The following CRACR2A variants were observed in gnomAD, a reference collection of about 807,000 sequenced individuals.
CRACR2A encodes calcium release activated channel regulator 2A, also known as EF-hand calcium-binding domain-containing protein 4B.
A neutral mutation model predicts 90.5 loss-of-function variants in CRACR2A; 79 were observed. The ratio of observed to expected loss-of-function variants is 0.87; its 90% CI spans 0.73 to 1.05. The LOEUF is 1.05. CRACR2A is among the 50% of genes least tolerant of loss of function. The probability of loss-of-function intolerance (pLI) is 0.00; values close to 1 mark genes in which losing one functional copy is unlikely to be tolerated. For synonymous variants in CRACR2A, 338 were observed against 356.7 expected (o/e 0.95, Z 0.59); for missense variants, 823 against 897.2 (o/e 0.92, Z 1.06).
At chr12:3,686,963 A>C (rs1256094023) in intron 4 of CRACR2A, among the ~76,000 whole-genome samples, 1 of 152,092 alleles carries the variant, frequency 6.6e-6, no homozygotes, top group Non-Finnish European at 1.5e-5. Flanking sequence ...GGGTTTCTCC[A>C]GGTTTCTCAG....
chr12:3,751,660 C>G (rs1201938125), intron 1 of CRACR2A, among the ~76,000 whole-genome samples: 2 of 152,174 alleles, frequency 1.3e-5, no homozygotes, highest in Non-Finnish European at 2.9e-5. Context: ...AAGGCCCGGC[C>G]TCAGTGCCAC....
chr12:3,635,316 G>A (rs1422881647), intron 14 of CRACR2A, among the ~76,000 whole-genome samples: 2 of 152,156 alleles, frequency 1.3e-5, no homozygotes, highest in African/African-American at 2.4e-5. Flanking sequence ...GCTGGAGAAG[G>A]AGTACCTGGC....
intron 13 of CRACR2A, among the ~76,000 whole-genome samples, chr12:3,639,943 T>A (rs7134436): frequency 3.3e-5 from 5 of 152,018 alleles, no homozygotes; most frequent in Non-Finnish European, 7.4e-5. Flanking sequence ...ACTTTTACTC[T>A]GCTTACACAC....
rs912416339 is a variant in CRACR2A, at chr12:3,669,390, A to T, written c.671+4056T>A. On this transcript the variant is annotated intron_variant, in intron 7 of 19. Transcript: ENST00000440314. ...AAGTTCTCCCCAATGTCTACACTAT[A>T]TCCCTCATGCTAAAGTGTGAAGACC... 9.2e-5 allele frequency among the ~76,000 whole-genome samples: 14 copies of T among 152,324 alleles called. No homozygotes were observed. The East Asian group carries it at 2.7e-3, about 29-fold the overall frequency.
At chr12:3,745,788 A>ATAACATAACATAACATAACATAAC (rs1356770696) in intron 1 of CRACR2A, among the ~76,000 whole-genome samples, 2 of 7,388 alleles carry the variant, frequency 2.7e-4, no homozygotes, top group Admixed American at 2.4e-3. Flanking sequence ...CAAAAAATAA[A>ATAACATAACATAACATAACATAAC]ATAAAATAAA....
At chr12:3,617,379 C>T (rs570295743) in intron 18 of CRACR2A, among the ~76,000 whole-genome samples, 1 of 152,342 alleles carries the variant, frequency 6.6e-6, no homozygotes, top group South Asian at 2.1e-4. Context: ...ACACAAAGGC[C>T]AGGGTGGGCA....
At chr12:3,643,265 T>C (rs1157414192) in intron 12 of CRACR2A, among the ~76,000 whole-genome samples, 1 of 152,202 alleles carries the variant, frequency 6.6e-6, no homozygotes, top group Admixed American at 6.5e-5. Context: ...CTCAGGGATT[T>C]GCAATTATAA....
intron 18 of CRACR2A, among the ~76,000 whole-genome samples, chr12:3,617,561 T>A (rs1362633990): frequency 1.3e-5 from 2 of 152,304 alleles, no homozygotes; most frequent in East Asian, 3.9e-4. Context: ...CGGTAGGAAT[T>A]CTCTTTCGCA....
intron 1 of CRACR2A, among the ~76,000 whole-genome samples, chr12:3,738,688 G>A (rs184436830): frequency 4.5e-4 from 68 of 152,148 alleles, no homozygotes; most frequent in African/African-American, 1.6e-3. Flanking sequence ...GAAGGAGAAG[G>A]AAAAGAATAT....
At chr12:3,729,585 C>T (rs879540312) in intron 2 of CRACR2A, 8 of 152,226 alleles carry the variant, frequency 5.3e-5, no homozygotes, top group African/African-American at 1.4e-4. Flanking sequence ...CACCTGTAGT[C>T]GCAGCTACTT....
intron 14 of CRACR2A, among the ~76,000 whole-genome samples, chr12:3,637,101 G>C (rs997917710): frequency 6.6e-6 from 1 of 152,200 alleles, no homozygotes; most frequent in Non-Finnish European, 1.5e-5. Flanking sequence ...TTTTCATATG[G>C]TCTCCCTTTT....
intron 2 of CRACR2A, chr12:3,728,113 TTCCA>T (rs1292431413): frequency 7.2e-5 from 11 of 152,166 alleles, no homozygotes; most frequent in Non-Finnish European, 1.5e-4. Flanking sequence ...GCTGTCTGTA[TTCCA>T]TCAGGACTCT....
intron 4 of CRACR2A, among the ~76,000 whole-genome samples, chr12:3,690,264 G>A (rs1029701931): frequency 6.6e-6 from 1 of 152,016 alleles, no homozygotes; most frequent in Non-Finnish European, 1.5e-5. Flanking sequence ...TTGCTAAATT[G>A]AGAACTTTCT....
At chr12:3,667,835 A>T (rs1379807754) in intron 7 of CRACR2A, among the ~76,000 whole-genome samples, 1 of 152,150 alleles carries the variant, frequency 6.6e-6, no homozygotes, top group East Asian at 1.9e-4. Context: ...TCTCACACAC[A>T]CGTGGGCGCA....
chr12:3,716,760 G>T (rs1238656031), intron 2 of CRACR2A, among the ~76,000 whole-genome samples: 1 of 152,056 alleles, frequency 6.6e-6, no homozygotes, highest in Non-Finnish European at 1.5e-5. Flanking sequence ...CAAATTTGTT[G>T]TTTGTTTTTG....
chr12:3,742,457 A>G (rs1946542882), intron 1 of CRACR2A, among the ~76,000 whole-genome samples: 1 of 152,088 alleles, frequency 6.6e-6, no homozygotes, highest in Non-Finnish European at 1.5e-5. Flanking sequence ...AGGCGGGGCC[A>G]GCTGTGCTAG....
rs752263998 is a variant in CRACR2A, at chr12:3,743,179, C to T, written c.-387+9836G>A. On this transcript the variant is annotated intron_variant, in intron 1 of 19. Transcript: ENST00000440314. ...AGGGCTTGTACATTTTTTAAAAATACGTTTAGTTTGCGATGTGTGACTACG... is the reference window on the plus strand; with the variant it reads ...AGGGCTTGTACATTTTTTAAAAATATGTTTAGTTTGCGATGTGTGACTACG... Among the ~76,000 whole-genome samples, 8 of 152,116 alleles carry T rather than the reference C, an allele frequency of 5.3e-5. 1 individual carries two copies. Among genetic ancestry groups the T allele is most frequent in the South Asian group, 2.1e-4 (1 of 4,834 alleles).
At chr12:3,697,965 C>T (rs1429594688) in intron 3 of CRACR2A, among the ~76,000 whole-genome samples, 1 of 152,202 alleles carries the variant, frequency 6.6e-6, no homozygotes, top group Non-Finnish European at 1.5e-5. Context: ...GACTCCACTG[C>T]TGCTTATATG....
intron 3 of CRACR2A, among the ~76,000 whole-genome samples, chr12:3,708,356 G>A (rs1049299992): frequency 6.6e-6 from 1 of 152,220 alleles, no homozygotes; most frequent in Admixed American, 6.5e-5. Flanking sequence ...CTCACTATGT[G>A]TGGCTTTCTC....
Sources: allele counts gnomAD v4.1 joint callset (sites outside exome capture counted in the v4.1 genomes callset), GRCh38; gene constraint gnomAD v4.1.1; transcripts MANE v1.5; gene names NCBI Gene and HGNC (gene_info 2026-07-23, HGNC 2026-07-21).